SLC35F3: variants seen among roughly 807,000 people sequenced by gnomAD.
SLC35F3 encodes putative thiamine transporter SLC35F3.
A neutral mutation model predicts 49.9 loss-of-function variants in SLC35F3; 25 were observed. The observed-to-expected ratio is 0.50, with a 90% CI of 0.37 to 0.70. SLC35F3 has a LOEUF of 0.70. Ranked by LOEUF, SLC35F3 falls within the 30% of genes least tolerant of loss-of-function variation. The probability of loss-of-function intolerance (pLI) is 0.00; values close to 1 mark genes in which losing one functional copy is unlikely to be tolerated. For synonymous variants in SLC35F3, 275 were observed against 265.4 expected (o/e 1.04, Z -0.35); for missense variants, 525 against 639.8 (o/e 0.82, Z 1.94).
chr1:234,136,044 T>C (rs1324248002), intron 2 of SLC35F3, among the ~76,000 whole-genome samples: 1 of 152,202 alleles, frequency 6.6e-6, no homozygotes, highest in Non-Finnish European at 1.5e-5. Context: ...TGTTTATAGA[T>C]ATGAAAGGTG....
chr1:234,051,197 G>A (rs1664371221), intron 2 of SLC35F3, among the ~76,000 whole-genome samples: 1 of 152,118 alleles, frequency 6.6e-6, no homozygotes, highest in Non-Finnish European at 1.5e-5. Context: ...TAGCTTGATT[G>A]GGATGGCATT....
intron 2 of SLC35F3, among the ~76,000 whole-genome samples, chr1:234,053,548 A>C (rs1664409997): frequency 6.6e-6 from 1 of 152,086 alleles, no homozygotes; most frequent in Non-Finnish European, 1.5e-5. Context: ...TGCATGTGAG[A>C]TGGGTCTCCT....
intron 2 of SLC35F3, among the ~76,000 whole-genome samples, chr1:233,954,310 G>A (rs1571994769): frequency 6.6e-6 from 1 of 152,230 alleles, no homozygotes; most frequent in East Asian, 1.9e-4. Flanking sequence ...CCGGCCTAGA[G>A]CCTCTTTTAA....
intron 2 of SLC35F3, among the ~76,000 whole-genome samples, chr1:234,194,597 A>G (rs1002104780): frequency 3.3e-5 from 5 of 149,438 alleles, no homozygotes; most frequent in Non-Finnish European, 7.4e-5. Flanking sequence ...ACCTATGGAA[A>G]TTTTTTAAAA....
At chr1:234,137,807 C>G (rs1029089625) in intron 2 of SLC35F3, among the ~76,000 whole-genome samples, 3 of 152,114 alleles carry the variant, frequency 2.0e-5, no homozygotes, top group African/African-American at 7.2e-5. Flanking sequence ...CTGAAGACAG[C>G]AGCAGGAGCT....
chr1:234,184,201 A>G (rs1001366122), intron 2 of SLC35F3, among the ~76,000 whole-genome samples: 4 of 151,478 alleles, frequency 2.6e-5, no homozygotes, highest in Admixed American at 2.0e-4. Context: ...CAGTAGTTGG[A>G]TTACTTAGGA....
intron 2 of SLC35F3, among the ~76,000 whole-genome samples, chr1:233,993,906 A>G (rs1450593156): frequency 6.6e-6 from 1 of 152,186 alleles, no homozygotes; most frequent in Non-Finnish European, 1.5e-5. Flanking sequence ...AACCTGCCGC[A>G]TGCTCAAATG....
chr1:234,119,705 G>A (rs1326983182), intron 2 of SLC35F3, among the ~76,000 whole-genome samples: 1 of 152,142 alleles, frequency 6.6e-6, no homozygotes, highest in Non-Finnish European at 1.5e-5. Flanking sequence ...ATTGCACTCT[G>A]TTTTATCTGT....
intron 2 of SLC35F3, among the ~76,000 whole-genome samples, chr1:233,917,827 T>G (rs1346140254): frequency 6.6e-6 from 1 of 152,214 alleles, no homozygotes; most frequent in African/African-American, 2.4e-5. Flanking sequence ...GGAGTGATGT[T>G]TCTAAGGGGA....
chr1:234,050,630 T>G (rs1664362270), intron 2 of SLC35F3, among the ~76,000 whole-genome samples: 1 of 152,254 alleles, frequency 6.6e-6, no homozygotes, highest in South Asian at 2.1e-4. Context: ...GTGCAGAAGC[T>G]CTTTAGTTTA....
intron 2 of SLC35F3, among the ~76,000 whole-genome samples, chr1:234,119,778 G>C (rs958807567): frequency 6.6e-6 from 1 of 152,232 alleles, no homozygotes; most frequent in African/African-American, 2.4e-5. Context: ...AGTAGCAGAT[G>C]AGAAGCTGAA....
At chr1:234,091,695 G>A (rs549153859) in intron 2 of SLC35F3, among the ~76,000 whole-genome samples, 7 of 152,174 alleles carry the variant, frequency 4.6e-5, no homozygotes, top group Non-Finnish European at 8.8e-5. Flanking sequence ...ATATGGAAAG[G>A]ATGGTATTTA....
chr1:234,161,649 T>C (rs1335949725), intron 2 of SLC35F3, among the ~76,000 whole-genome samples: 2 of 151,924 alleles, frequency 1.3e-5, no homozygotes, highest in Non-Finnish European at 2.9e-5. Context: ...AAAATACGTA[T>C]ATAAAACTTA....
intron 3 of SLC35F3, among the ~76,000 whole-genome samples, chr1:234,265,375 T>A (rs1667964713): frequency 6.6e-6 from 1 of 151,984 alleles, no homozygotes; most frequent in East Asian, 1.9e-4. Context: ...GGTCTTGCTA[T>A]GTTACACAGG....
At chr1:234,081,240 G>A (rs934056369) in intron 2 of SLC35F3, among the ~76,000 whole-genome samples, 2 of 152,166 alleles carry the variant, frequency 1.3e-5, no homozygotes, top group African/African-American at 4.8e-5. Flanking sequence ...TAATATGGTT[G>A]GAATTCCTAA....
chr1:234,119,772 G>T (rs1180815675), intron 2 of SLC35F3, among the ~76,000 whole-genome samples: 5 of 152,192 alleles, frequency 3.3e-5, no homozygotes, highest in Non-Finnish European at 7.3e-5. Flanking sequence ...GCTAAAAGTA[G>T]CAGATGAGAA....
intron 2 of SLC35F3, among the ~76,000 whole-genome samples, chr1:234,192,685 C>G (rs542335061): frequency 3.8e-4 from 58 of 152,116 alleles, no homozygotes; most frequent in African/African-American, 1.4e-3. Flanking sequence ...AATCGTAAAC[C>G]TAGAAAACCC....
At chr1:234,295,482 C>T (rs1009381657) in intron 3 of SLC35F3, among the ~76,000 whole-genome samples, 21 of 152,162 alleles carry the variant, frequency 1.4e-4, no homozygotes, top group Admixed American at 2.6e-4. Context: ...GTCAGTCTCT[C>T]GATTGCAAGC....
chr1:233,982,599 C>G (rs1216929798), intron 2 of SLC35F3, among the ~76,000 whole-genome samples: 3 of 152,164 alleles, frequency 2.0e-5, no homozygotes, highest in African/African-American at 7.2e-5. Context: ...GTCTCGAACT[C>G]CTGACCTCAG....
Sources: gnomAD v4.1 joint callset for allele counts (sites outside exome capture counted in the v4.1 genomes callset) on GRCh38, gnomAD v4.1.1 for gene constraint, MANE v1.5 for transcripts, NCBI Gene and HGNC (gene_info 2026-07-23, HGNC 2026-07-21) for gene names.